Variants in GPR89A observed in about 807,000 individuals in gnomAD.
The protein encoded by GPR89A is golgi pH regulator A.
In GPR89A, 16 loss-of-function variants were observed where a neutral mutation model predicts 52.0. The observed-to-expected ratio is 0.31, with a 90% CI of 0.21 to 0.47. The LOEUF (loss-of-function observed/expected upper bound fraction) is 0.47. Among genes scored for constraint, GPR89A ranks in the 20% least tolerant of loss-of-function variants. GPR89A has a pLI of 1.00. For synonymous variants in GPR89A, 55 were observed against 150.9 expected (o/e 0.36, Z 4.66); for missense variants, 135 against 449.4 (o/e 0.30, Z 6.33).
chr1:145,639,779 GAC>G (rs1485795844), intron 7 of GPR89A, among the ~76,000 whole-genome samples: 1 of 147,156 alleles, frequency 6.8e-6, no homozygotes, highest in Non-Finnish European at 1.5e-5. Context: ...AAGAAATACT[GAC>G]ACAAATACAC....
chr1:145,625,048 A>G (rs1157570755), intron 5 of GPR89A, among the ~76,000 whole-genome samples: 2 of 152,158 alleles, frequency 1.3e-5, no homozygotes, highest in East Asian at 1.9e-4. Context: ...CCTTCCATGT[A>G]TACTGATTGC....
intron 12 of GPR89A, among the ~76,000 whole-genome samples, chr1:145,667,082 A>G (rs1288707677): frequency 2.4e-4 from 36 of 152,102 alleles, no homozygotes; most frequent in Non-Finnish European, 4.0e-4. Context: ...ATGATTTATA[A>G]TCCTTTGGGT....
intron 7 of GPR89A, among the ~76,000 whole-genome samples, chr1:145,643,582 C>A (rs1204945873): frequency 6.6e-6 from 1 of 152,168 alleles, no homozygotes; most frequent in Non-Finnish European, 1.5e-5. Context: ...TCACAACCAT[C>A]CAGAGATGAG....
chr1:145,652,187 TGA>T (rs1651493172), intron 10 of GPR89A, among the ~76,000 whole-genome samples: 2 of 142,658 alleles, frequency 1.4e-5, no homozygotes, highest in South Asian at 4.8e-4. Context: ...CCTAGTTTAT[TGA>T]GAGTTTTTAG....
chr1:145,619,767 G>A (rs587659437), intron 3 of GPR89A, among the ~76,000 whole-genome samples: 67 of 152,310 alleles, frequency 4.4e-4, no homozygotes, highest in African/African-American at 1.6e-3. Context: ...TGTAATCCCA[G>A]CACTTTGGGA....
At chr1:145,628,873 G>C (rs1485712609) in intron 5 of GPR89A, among the ~76,000 whole-genome samples, 1 of 152,110 alleles carries the variant, frequency 6.6e-6, no homozygotes, top group Non-Finnish European at 1.5e-5. Flanking sequence ...AAATAGATGG[G>C]GGTTGGTAAC....
intron 10 of GPR89A, among the ~76,000 whole-genome samples, chr1:145,654,758 G>T (rs1439871921): frequency 6.6e-6 from 1 of 151,842 alleles, no homozygotes; most frequent in Non-Finnish European, 1.5e-5. Context: ...TCTTCTCATG[G>T]AGTATTTTAC....
At chr1:145,664,321 A>G (rs1329704910) in intron 11 of GPR89A, among the ~76,000 whole-genome samples, 5 of 151,830 alleles carry the variant, frequency 3.3e-5, no homozygotes, top group African/African-American at 1.2e-4. Flanking sequence ...AAGGAACATG[A>G]TATCTTTTCT....
rs1416870456 is a variant in GPR89A at position 145,646,327 on chromosome 1, C to G, written c.816+55C>G. On this transcript the variant is annotated intron_variant, in intron 9 of 13. Coordinates refer to ENST00000313835, the MANE Select transcript of GPR89A (RefSeq NM_001097612.2). ...TTTACCAATATTATTAAAGAGAGAA[C>G]AAGACTAAATGGCTTTTTAGATTTC... is the stretch of plus-strand genomic sequence containing the variant. The G allele has an allele frequency of 4.9e-6, 7 of 1,442,496 alleles. No homozygotes were observed. In the African/African-American group the frequency reaches 7.2e-5, roughly 15 times the overall value. The allele number at this position is 1,442,496 out of a possible 1,614,324, so 89.4% of individuals were successfully genotyped here.
At chr1:145,622,987 A>G (rs1649239477) in intron 3 of GPR89A, 67 bp from the exon 4 acceptor site, 1 of 1,597,436 alleles carries the variant, frequency 6.3e-7, no homozygotes, top group East Asian at 2.2e-5. Context: ...ACCCTTTGGA[A>G]GACTAAAGAG....
intron 3 of GPR89A, among the ~76,000 whole-genome samples, chr1:145,618,988 A>G (rs1238715220): frequency 5.3e-5 from 8 of 152,190 alleles, no homozygotes; most frequent in Admixed American, 4.6e-4. Flanking sequence ...TCTATTCAAA[A>G]TATTTCTTGC....
rs587693216 is a variant in GPR89A at position 145,666,479 on chromosome 1, C to T, written c.1095+828C>T. 5.9e-5 allele frequency among the ~76,000 whole-genome samples: 9 copies of T among 152,170 alleles called. No homozygotes were observed. The South Asian group carries it at 8.3e-4, about 14-fold the overall frequency. ...GTGAGAAAAATGTAGTTTTGTTATA[C>T]ATCATTTCACTTAAAATCTCAGTTT... On this transcript the variant is annotated intron_variant, in intron 12 of 13. Coordinates refer to ENST00000313835, the MANE Select transcript of GPR89A (RefSeq NM_001097612.2).
intron 10 of GPR89A, among the ~76,000 whole-genome samples, chr1:145,648,950 G>C: frequency 6.6e-6 from 1 of 151,740 alleles, no homozygotes; most frequent in Non-Finnish European, 1.5e-5. Context: ...GACTACAGGT[G>C]TGTGCCACAA....
chr1:145,614,816 G>C (rs1316301492), intron 1 of GPR89A, among the ~76,000 whole-genome samples: 1 of 150,716 alleles, frequency 6.6e-6, no homozygotes. Context: ...CTAGAGAGAA[G>C]TTCCTTTCAG....
intron 10 of GPR89A, among the ~76,000 whole-genome samples, chr1:145,656,665 C>G (rs1294319554): frequency 6.6e-6 from 1 of 152,208 alleles, no homozygotes; most frequent in Non-Finnish European, 1.5e-5. Flanking sequence ...ATCCTTCCTT[C>G]CTTCTTGTTA....
rs587607626 is a variant in GPR89A at position 145,635,234 on chromosome 1, A to G, written c.617+3490A>G. 4.5e-4 allele frequency among the ~76,000 whole-genome samples: 69 copies of G among 152,232 alleles called. 3 individuals are homozygous for G. The South Asian group carries it at 0.014, about 30-fold the overall frequency. ...ATCCTGGCTAATACGGTGAAACCCC[A>G]TCTCTACTAAAGATACAAAAAAGTA... is the stretch of plus-strand genomic sequence containing the variant. On this transcript the variant is annotated intron_variant, in intron 7 of 13. Coordinates refer to ENST00000313835, the MANE Select transcript of GPR89A (RefSeq NM_001097612.2).
intron 5 of GPR89A, among the ~76,000 whole-genome samples, chr1:145,628,459 T>C (rs1158297031): frequency 1.3e-5 from 2 of 151,942 alleles, no homozygotes; most frequent in African/African-American, 4.8e-5. Context: ...GGAAAACTTA[T>C]TACCATAGTG....
chr1:145,662,587 A>G (rs1195303267), intron 10 of GPR89A, among the ~76,000 whole-genome samples: 1 of 152,048 alleles, frequency 6.6e-6, no homozygotes, highest in Non-Finnish European at 1.5e-5. Flanking sequence ...AAGGATCAGC[A>G]ATCTATAGCC....
intron 10 of GPR89A, among the ~76,000 whole-genome samples, chr1:145,661,015 A>T (rs1293636047): frequency 4.6e-5 from 7 of 152,092 alleles, no homozygotes; most frequent in African/African-American, 1.7e-4. Context: ...ACGTATGTTT[A>T]TTGTGGCACT....
Sources: allele counts gnomAD v4.1 joint callset (sites outside exome capture counted in the v4.1 genomes callset), GRCh38; gene constraint gnomAD v4.1.1; transcripts MANE v1.5; gene names NCBI Gene and HGNC (gene_info 2026-07-23, HGNC 2026-07-21).